Variants in KIAA2012 observed in about 807,000 individuals in gnomAD.
The protein encoded by KIAA2012 is uncharacterized protein KIAA2012.
In KIAA2012, 125 loss-of-function variants were observed where a neutral mutation model predicts 150.6. The observed-to-expected ratio is 0.83, with a 90% CI of 0.72 to 0.96. The LOEUF (loss-of-function observed/expected upper bound fraction) is 0.96. KIAA2012 is among the 40% of genes least tolerant of loss of function. The probability of loss-of-function intolerance (pLI) is 0.00; values close to 1 mark genes in which losing one functional copy is unlikely to be tolerated. For synonymous variants in KIAA2012, 462 were observed against 504.7 expected, an observed-to-expected ratio of 0.92 and a Z score of 1.13; for missense variants, 1,219 against 1,354.9, an observed-to-expected ratio of 0.90 and a Z score of 1.57.
At chr2:202,111,809 C>T (rs1468219965) in intron 10 of KIAA2012, among the ~76,000 whole-genome samples, 1 of 152,032 alleles carries the variant, frequency 6.6e-6, no homozygotes, top group African/African-American at 2.4e-5. Context: ...TGTGTGCATG[C>T]CTGCCCTGTG....
chr2:202,091,078 A>G, intron 3 of KIAA2012, 149 bp downstream of exon 3: 2 of 1,083,876 alleles, frequency 1.8e-6, no homozygotes, highest in Non-Finnish European at 2.6e-6. Flanking sequence ...GTAGCCCACA[A>G]GCCCCTTTCA....
intron 11 of KIAA2012, chr2:202,115,720 T>G (rs1162465477): frequency 9.0e-5 from 13 of 145,218 alleles, no homozygotes. Flanking sequence ...ATCATAGTTG[T>G]TGCTGGGTTT....
chr2:202,192,441 G>A (rs1206881312), intron 19 of KIAA2012, among the ~76,000 whole-genome samples: 1 of 150,516 alleles, frequency 6.6e-6, no homozygotes, highest in African/African-American at 2.4e-5. Flanking sequence ...GATTGCCCCT[G>A]GTAAAATAGC....
chr2:202,159,999 C>A (rs1359233768), intron 14 of KIAA2012, among the ~76,000 whole-genome samples: 1 of 152,196 alleles, frequency 6.6e-6, no homozygotes, highest in African/African-American at 2.4e-5. Context: ...AAGGGCCAGG[C>A]CCCTCACATA....
chr2:202,201,315 G>C, intron 22 of KIAA2012: 1 of 1,584,944 alleles, frequency 6.3e-7, no homozygotes, highest in South Asian at 1.1e-5. Context: ...GACTACAGCA[G>C]TTACATTGTG....
rs769900669 is a variant in KIAA2012, at chr2:202,075,081, C to G, written c.275C>G (p.Pro92Arg). Residue 92 changes from proline to arginine, a missense_variant, in exon 2 of 24, where the codon CCC becomes CGC. Pro to Arg is a moderately radical substitution (Grantham distance 103). Transcript: ENST00000498697. Reference sequence around the variant, plus strand: ...ACACCCAAAGAGAGGAGAAAAGGCCCCTACTGCCCCAGAGGTCCCTGGAGG... The same window carrying G: ...ACACCCAAAGAGAGGAGAAAAGGCCGCTACTGCCCCAGAGGTCCCTGGAGG... ...AWTPKERRKG[P>R]YCPRGPWRKL... is the part of the protein sequence containing the mutation. 168 of 1,550,508 alleles carry G rather than the reference C, an allele frequency of 1.1e-4. No homozygotes were observed. Among genetic ancestry groups the G allele is most frequent in the Admixed American group, 1.4e-4 (7 of 51,004 alleles).
At chr2:202,099,867 A>C (rs1015351117) in intron 6 of KIAA2012, 71 bp downstream of exon 6, 1 of 1,291,038 alleles carries the variant, frequency 7.7e-7, no homozygotes, top group Non-Finnish European at 1.1e-6. Flanking sequence ...AAGGACACTG[A>C]GGCATGCCAA....
In KIAA2012 at chr2:202,073,542, A is replaced by G; in HGVS notation, c.-86A>G. Reference sequence around the variant, plus strand: ...TTGTGGTCTTCTTGGGCTTGCTGTGAGCTCTGGAAATCTTGAGGTGTGACC... The same window carrying G: ...TTGTGGTCTTCTTGGGCTTGCTGTGGGCTCTGGAAATCTTGAGGTGTGACC... On this transcript the variant is annotated 5_prime_UTR_variant, in exon 1 of 24. It removes the in-frame stop codon of an upstream open reading frame in the 5' UTR. Transcript: ENST00000498697. 1 of 1,181,420 alleles carries G rather than the reference A, an allele frequency of 8.5e-7. No individual in the cohort carries two copies. Among genetic ancestry groups the G allele is most frequent in the Non-Finnish European group, 1.2e-6 (1 of 824,980 alleles). 73.2% of individuals were successfully genotyped at this position (1,181,420 alleles called of 1,614,324 possible).
At chr2:202,112,604 G>A (rs1690398117) in intron 10 of KIAA2012, among the ~76,000 whole-genome samples, 1 of 152,104 alleles carries the variant, frequency 6.6e-6, no homozygotes, top group African/African-American at 2.4e-5. Flanking sequence ...CCTACCCTGT[G>A]GGATCTGACA....
intron 15 of KIAA2012, chr2:202,179,238 A>G: frequency 1.4e-6 from 1 of 737,952 alleles, no homozygotes; most frequent in Non-Finnish European, 2.3e-6. Flanking sequence ...ACAATTTGGC[A>G]GTAGGCATTG....
chr2:202,190,510 TC>T lies in KIAA2012; in HGVS notation c.2811+18del, dbSNP rs1252384800. On this transcript the variant is annotated intron_variant, in intron 19 of 23. Transcript: ENST00000498697. ...CCTTCCAAGGTAGGGTCTGATGTCC[TC>T]AGCTTGACAGAGGAAGTTCTGTTCT... 1.8e-5 allele frequency: 26 copies of T among 1,468,372 alleles called. No individual in the cohort carries two copies. The highest frequency in any genetic ancestry group is 2.3e-5 in the Non-Finnish European group (26 of 1,106,502). 91.0% of individuals were successfully genotyped at this position (1,468,372 alleles called of 1,614,324 possible).
At chr2:202,130,181 AAT>A (rs1690898687) in intron 12 of KIAA2012, among the ~76,000 whole-genome samples, 1 of 152,230 alleles carries the variant, frequency 6.6e-6, no homozygotes, top group Non-Finnish European at 1.5e-5. Context: ...AAAATAGTTT[AAT>A]AAATCACTCT....
rs1245097573 is a variant in KIAA2012 at position 202,190,461 on chromosome 2, A to C, written c.2779A>C (p.Lys927Gln). 6.5e-7 allele frequency: 1 copy of C among 1,543,522 alleles called. No individual in the cohort carries two copies. Among genetic ancestry groups the C allele is most frequent in the Non-Finnish European group, 8.7e-7 (1 of 1,143,024 alleles). ...AACTGTCACTGGCAACATGGAATCT[A>C]AAGAAGAGAGAAGATGTGAGGACCC... ...IATVTGNMES[K>Q]EERRCEDPSK... The change falls in exon 19 of 24, where the codon AAA (lysine) becomes CAA (glutamine). Residue 927 changes from lysine to glutamine, a missense_variant. Physicochemically the swap from Lys to Gln is moderately conservative, Grantham distance 53. Coordinates refer to ENST00000498697, the MANE Select transcript of KIAA2012 (RefSeq NM_001277372.4).
chr2:202,193,216 A>C (rs1692351954), intron 19 of KIAA2012, 85 bp from the exon 20 acceptor site: 2 of 1,311,350 alleles, frequency 1.5e-6, no homozygotes, highest in South Asian at 2.6e-5. Context: ...CTTTGATTAG[A>C]GACAACACTG....
At chr2:202,143,158 C>T (rs1691227370) in intron 13 of KIAA2012, among the ~76,000 whole-genome samples, 1 of 148,530 alleles carries the variant, frequency 6.7e-6, no homozygotes, top group African/African-American at 2.5e-5. Context: ...AAACTCGGCT[C>T]ACTGCAACCT....
At position 202,099,299 on chromosome 2, in the gene KIAA2012, T is replaced by C. The variant is rs1264206027; in HGVS notation, c.829-314T>C. Reference sequence around the variant, plus strand: ...GCCACTGCGTTCAGCCTGAGAAACATTTCGTAATGGATAAAAACACCAATA... The same window carrying C: ...GCCACTGCGTTCAGCCTGAGAAACACTTCGTAATGGATAAAAACACCAATA... On this transcript the variant is annotated intron_variant, in intron 5 of 23. Coordinates refer to ENST00000498697, the MANE Select transcript of KIAA2012 (RefSeq NM_001277372.4). 2.0e-5 allele frequency among the ~76,000 whole-genome samples: 3 copies of C among 152,160 alleles called. No individual in the cohort carries two copies. The East Asian group carries it at 5.8e-4, about 29-fold the overall frequency.
chr2:202,159,379 CA>C lies in KIAA2012; in HGVS notation c.2046+4583del, dbSNP rs202173796. 8.1e-3 allele frequency among the ~76,000 whole-genome samples: 931 copies of C among 115,506 alleles called. 4 individuals are homozygous for C. Among genetic ancestry groups the C allele is most frequent in the Non-Finnish European group, 0.011 (588 of 54,110 alleles). The allele number at this position is 115,506 out of a possible 152,430, so 75.8% of individuals were successfully genotyped here. On this transcript the variant is annotated intron_variant, in intron 14 of 23. Coordinates refer to ENST00000498697, the MANE Select transcript of KIAA2012 (RefSeq NM_001277372.4). ...AATATGTATGAGTGTGTTCTATTTCCAAAAAAAAAAAAAACAGAATTAAGTA... is the reference window on the plus strand; with the variant it reads ...AATATGTATGAGTGTGTTCTATTTCCAAAAAAAAAAAAACAGAATTAAGTA...
chr2:202,099,000 G>C (rs1012090895), intron 5 of KIAA2012, among the ~76,000 whole-genome samples: 1 of 150,708 alleles, frequency 6.6e-6, no homozygotes, highest in African/African-American at 2.4e-5. Context: ...GGGGGGTGGT[G>C]GGGGAGGGAC....
intron 14 of KIAA2012, among the ~76,000 whole-genome samples, chr2:202,162,115 G>T (rs1019163282): frequency 6.6e-6 from 1 of 151,558 alleles, no homozygotes; most frequent in Non-Finnish European, 1.5e-5. Context: ...CAGCTGCTCA[G>T]CTCCCTTCCC....
Sources: gnomAD v4.1 joint callset for allele counts (sites outside exome capture counted in the v4.1 genomes callset) on GRCh38, gnomAD v4.1.1 for gene constraint, MANE v1.5 for transcripts, NCBI Gene and HGNC (gene_info 2026-07-23, HGNC 2026-07-21) for gene names.